Variants in CCDC60 observed in about 807,000 individuals in gnomAD.
The protein encoded by CCDC60 is coiled-coil domain-containing protein 60.
Under a neutral mutation model 63.5 loss-of-function variants are expected in CCDC60, and 54 were observed. The ratio of observed to expected loss-of-function variants is 0.85; its 90% CI spans 0.68 to 1.07. The LOEUF is 1.07. Ranked by LOEUF, CCDC60 falls within the 50% of genes least tolerant of loss-of-function variation. CCDC60 has a pLI of 0.00. For missense variants in CCDC60, 651 were observed against 684.3 expected, an observed-to-expected ratio of 0.95 and a Z score of 0.54; for synonymous variants, 206 against 238.8, an observed-to-expected ratio of 0.86 and a Z score of 1.27.
chr12:119,517,171 A>C (rs760069409), intron 8 of CCDC60, among the ~76,000 whole-genome samples: 8 of 151,306 alleles, frequency 5.3e-5, no homozygotes, highest in Admixed American at 6.6e-5. Flanking sequence ...TTTTATTATT[A>C]TTTTGTAGAG....
intron 13 of CCDC60, among the ~76,000 whole-genome samples, chr12:119,539,058 T>G (rs1953086285): frequency 6.6e-6 from 1 of 152,208 alleles, no homozygotes; most frequent in African/African-American, 2.4e-5. Context: ...TGTTCCTTCC[T>G]CTGGAAGCTT....
In CCDC60 at chr12:119,501,435, A is replaced by C. The variant is rs138912014; in HGVS notation, c.648+1267A>C. Among the ~76,000 whole-genome samples the C allele has an allele frequency of 4.4e-4, 67 of 152,354 alleles. 1 individual carries two copies. Among genetic ancestry groups the C allele is most frequent in the South Asian group, 1.0e-3 (5 of 4,830 alleles). On this transcript the variant is annotated intron_variant, in intron 6 of 13. Coordinates refer to ENST00000327554, the MANE Select transcript of CCDC60 (RefSeq NM_178499.5). ...TAAGGTTACCCAGCTGGGTACTGGC[A>C]GAGCCAGAAGTTAATTCTGGGTCTG... is the stretch of plus-strand genomic sequence containing the variant.
intron 8 of CCDC60, among the ~76,000 whole-genome samples, chr12:119,519,219 T>C (rs1952430195): frequency 6.6e-6 from 1 of 152,110 alleles, no homozygotes; most frequent in Non-Finnish European, 1.5e-5. Flanking sequence ...AGCCAGCACA[T>C]CCAGCCCCCA....
intron 10 of CCDC60, 104 bp from the exon 11 acceptor site, chr12:119,523,589 C>G: frequency 6.5e-7 from 1 of 1,527,006 alleles, no homozygotes; most frequent in Non-Finnish European, 8.8e-7. Context: ...AGGGAGTCCC[C>G]CATGCAGAGC....
intron 1 of CCDC60, among the ~76,000 whole-genome samples, chr12:119,341,901 T>G (rs1316647737): frequency 1.3e-5 from 2 of 152,178 alleles, no homozygotes. Flanking sequence ...TGGTTTGAGT[T>G]CCTTGGATTT....
intron 4 of CCDC60, among the ~76,000 whole-genome samples, chr12:119,480,593 CCAT>C (rs1266604745): frequency 2.6e-5 from 4 of 151,474 alleles, no homozygotes; most frequent in Non-Finnish European, 4.4e-5. Context: ...ATCCTCATCA[CCAT>C]CATCACCATC....
rs1406361753 is a variant in CCDC60, at chr12:119,486,125, T to A, written c.450-2634T>A. On this transcript the variant is annotated intron_variant, in intron 4 of 13. Transcript: ENST00000327554. ...GGTGCTCATGGCCCAGTGCCAGGCA[T>A]GTGGCACAGCTAGCTGCTGCTATTG... is the stretch of plus-strand genomic sequence containing the variant. 3.3e-5 allele frequency among the ~76,000 whole-genome samples: 5 copies of A among 152,326 alleles called. No individual in the cohort carries two copies. The East Asian group carries it at 9.6e-4, about 29-fold the overall frequency.
chr12:119,498,012 C>T (rs189183843), intron 5 of CCDC60, among the ~76,000 whole-genome samples: 4 of 152,296 alleles, frequency 2.6e-5, no homozygotes, highest in African/African-American at 9.6e-5. Flanking sequence ...TCTCACCCCA[C>T]CTCACCAGCC....
rs946667521 is a variant in CCDC60, at chr12:119,410,370, A to G, written c.91-18313A>G. On this transcript the variant is annotated intron_variant, in intron 1 of 13. Transcript: ENST00000327554. The surrounding 1 kb of genome is among the most constrained non-coding windows in gnomAD (Gnocchi z 4.0). Reference sequence around the variant, plus strand: ...ATACATTTTTTTAAACCATTTGAAAATACTACTTGCTTTAAAAAAACTAAA... The same window carrying G: ...ATACATTTTTTTAAACCATTTGAAAGTACTACTTGCTTTAAAAAAACTAAA... Among the ~76,000 whole-genome samples, 2 of 152,156 alleles carry G rather than the reference A, an allele frequency of 1.3e-5. No homozygotes were observed. The highest frequency in any genetic ancestry group is 4.8e-5 in the African/African-American group (2 of 41,426).
At position 119,341,465 on chromosome 12, in the gene CCDC60, T is replaced by C. The variant is rs1438239553; in HGVS notation, c.90+6199T>C. On this transcript the variant is annotated intron_variant, in intron 1 of 13. Coordinates refer to ENST00000327554, the MANE Select transcript of CCDC60 (RefSeq NM_178499.5). Reference sequence around the variant, plus strand: ...GTCAGGCAAAGGTGGGTTCAAATCCTCTTTTTGACACTCTAGTGTGAGTTT... The same window carrying C: ...GTCAGGCAAAGGTGGGTTCAAATCCCCTTTTTGACACTCTAGTGTGAGTTT... Among the ~76,000 whole-genome samples, 8 of 152,346 alleles carry C rather than the reference T, an allele frequency of 5.3e-5. 1 individual carries two copies. The East Asian group carries it at 1.5e-3, about 29-fold the overall frequency.
intron 2 of CCDC60, among the ~76,000 whole-genome samples, chr12:119,462,579 T>C (rs1950875288): frequency 6.6e-6 from 1 of 152,206 alleles, no homozygotes; most frequent in Admixed American, 6.5e-5. Context: ...TCTTACCAAC[T>C]TGTTAATTAC....
At chr12:119,381,160 G>C (rs576287430) in intron 1 of CCDC60, among the ~76,000 whole-genome samples, 62 of 152,258 alleles carry the variant, frequency 4.1e-4, no homozygotes, top group Non-Finnish European at 8.1e-4. Context: ...TGAATTAACA[G>C]GGACTTTTGT....
At chr12:119,367,434 C>T (rs1024693116) in intron 1 of CCDC60, among the ~76,000 whole-genome samples, 1 of 152,204 alleles carries the variant, frequency 6.6e-6, no homozygotes, top group Admixed American at 6.5e-5. Context: ...CTATATCCTC[C>T]AAGTCCCCCA....
chr12:119,346,820 CTTTCTTTCTTTCTTT>C (rs1450312343), intron 1 of CCDC60, among the ~76,000 whole-genome samples: 2 of 117,354 alleles, frequency 1.7e-5, no homozygotes, highest in East Asian at 2.3e-4. Context: ...TTCTTTCTTT[CTTTCTTTCTTTCTTT>C]TTTTTTTGAG....
At chr12:119,529,246 A>T (rs1000843415) in intron 12 of CCDC60, among the ~76,000 whole-genome samples, 2 of 152,230 alleles carry the variant, frequency 1.3e-5, no homozygotes, top group Non-Finnish European at 2.9e-5. Flanking sequence ...GATGGCAGTC[A>T]CTACATAAGC....
intron 2 of CCDC60, among the ~76,000 whole-genome samples, chr12:119,461,415 T>C (rs1950854863): frequency 6.6e-6 from 1 of 152,090 alleles, no homozygotes; most frequent in African/African-American, 2.4e-5. Flanking sequence ...GCTCCTCAAG[T>C]CCAAAGGTGC....
chr12:119,519,431 G>GCGCGCA (rs750396778), intron 8 of CCDC60, among the ~76,000 whole-genome samples: 1 of 136,000 alleles, frequency 7.4e-6, no homozygotes, highest in Non-Finnish European at 1.6e-5. Flanking sequence ...GTGTGTGTGT[G>GCGCGCA]TGTGCGCGTG....
At chr12:119,431,077 G>C (rs1487659820) in intron 2 of CCDC60, among the ~76,000 whole-genome samples, 2 of 152,182 alleles carry the variant, frequency 1.3e-5, no homozygotes, top group African/African-American at 4.8e-5. Context: ...CTCTGTAACT[G>C]CCCAGTGGAT....
intron 3 of CCDC60, among the ~76,000 whole-genome samples, chr12:119,478,592 T>C (rs1951230575): frequency 6.8e-6 from 1 of 146,542 alleles, no homozygotes; most frequent in Non-Finnish European, 1.5e-5. Flanking sequence ...ATATACTCCA[T>C]AAGGCAGGGA....
Sources: allele counts gnomAD v4.1 joint callset (sites outside exome capture counted in the v4.1 genomes callset), GRCh38; gene constraint gnomAD v4.1.1; non-coding constraint Gnocchi (gnomAD v3.1); transcripts MANE v1.5; gene names NCBI Gene and HGNC (gene_info 2026-07-23, HGNC 2026-07-21).